The following MFSD11 variants were observed in gnomAD, a reference collection of about 807,000 sequenced individuals.
MFSD11 encodes UNC93-like protein MFSD11.
In MFSD11, 36 loss-of-function variants were observed where a neutral mutation model predicts 53.5. The ratio of observed to expected loss-of-function variants is 0.67; its 90% CI spans 0.52 to 0.89. The LOEUF is 0.89. Ranked by LOEUF, MFSD11 falls within the 40% of genes least tolerant of loss-of-function variation. MFSD11 has a pLI of 0.00. For missense variants in MFSD11, 530 were observed against 543.9 expected (o/e 0.97, Z 0.25); for synonymous variants, 186 against 184.9 (o/e 1.01, Z -0.05).
intron 7 of MFSD11, among the ~76,000 whole-genome samples, chr17:76,746,686 A>G (rs1039576109): frequency 1.9e-4 from 29 of 152,162 alleles, no homozygotes; most frequent in African/African-American, 7.0e-4. Flanking sequence ...GCAGTGACAA[A>G]GCCTGGATGG....
chr17:76,777,573 C>CT (rs113484984), intron 12 of MFSD11, among the ~76,000 whole-genome samples: 5,890 of 151,098 alleles, frequency 0.039, 388 homozygotes, highest in African/African-American at 0.13. Flanking sequence ...TTTGTTTCCT[C>CT]TTTTTTTTTC....
At chr17:76,784,436 G>A (rs905089418), downstream of MFSD11, among the ~76,000 whole-genome samples, 3 of 152,150 alleles carry the variant, frequency 2.0e-5, no homozygotes, top group Non-Finnish European at 4.4e-5. Flanking sequence ...GGGAGGCTGA[G>A]GCAGGAGAAT....
upstream of MFSD11, chr17:76,736,682 G>A (rs976186117): frequency 8.0e-6 from 10 of 1,249,572 alleles, no homozygotes; most frequent in South Asian, 1.5e-4. Context: ...GAGACGCGGC[G>A]TGCACCCCCG....
chr17:76,744,389 T>C lies in MFSD11; in HGVS notation c.564T>C (p.Phe188=). Reference sequence around the variant, plus strand: ...GCCTTGTGGGGACAGTTCTATTCTTTCTCATTCGGAAACCAGATTCTGAAA... The same window carrying C: ...GCCTTGTGGGGACAGTTCTATTCTTCCTCATTCGGAAACCAGATTCTGAAA... ...VISLVGTVLF[F]LIRKPDSENV... is the part of the protein sequence containing the mutation. The change falls in exon 7 of 13, where the codon TTT becomes TTC. Residue 188 remains phenylalanine, a synonymous_variant. Coordinates refer to ENST00000685175, the MANE Select transcript of MFSD11 (RefSeq NM_001242532.5). 1 of 1,614,132 alleles carries C rather than the reference T, an allele frequency of 6.2e-7. No homozygotes were observed. The highest frequency in any genetic ancestry group is 8.5e-7 in the Non-Finnish European group (1 of 1,179,992).
chr17:76,782,965 T>C (rs1158057350), downstream of MFSD11, among the ~76,000 whole-genome samples: 1 of 151,410 alleles, frequency 6.6e-6, no homozygotes, highest in Non-Finnish European at 1.5e-5. Context: ...GATCACAAGG[T>C]CAAGAGTTCG....
intron 3 of MFSD11, among the ~76,000 whole-genome samples, 196 bp from the exon 4 acceptor site, chr17:76,741,773 G>A (rs933223799): frequency 6.6e-6 from 1 of 152,146 alleles, no homozygotes; most frequent in Non-Finnish European, 1.5e-5. Context: ...AGGCAATGGA[G>A]TGAGACCCTG....
rs139955113 is a variant in MFSD11, at chr17:76,762,315, A to G, written c.683-5071A>G. 2.1e-3 allele frequency among the ~76,000 whole-genome samples: 317 copies of G among 152,296 alleles called. 2 individuals carry two copies. Among genetic ancestry groups the G allele is most frequent in the African/African-American group, 7.2e-3 (301 of 41,552 alleles). ...GAGTCATTCCTATATTTTATGTATTATGAGTTTCAGGGGTCTGTCCTGCAG... is the reference window on the plus strand; with the variant it reads ...GAGTCATTCCTATATTTTATGTATTGTGAGTTTCAGGGGTCTGTCCTGCAG... On this transcript the variant is annotated intron_variant, in intron 8 of 12. Coordinates refer to ENST00000685175, the MANE Select transcript of MFSD11 (RefSeq NM_001242532.5).
Position 76,738,123 on chromosome 17 carries a change from T to C in MFSD11, c.-230T>C. On this transcript the variant is annotated 5_prime_UTR_variant, in exon 1 of 13. Coordinates refer to ENST00000685175, the MANE Select transcript of MFSD11 (RefSeq NM_001242532.5). ...CTTGGCGCTTCTCCGGGGGTTGTGCTCTTCCGTACTCGGATCGCTTCTTAG... is the reference window on the plus strand; with the variant it reads ...CTTGGCGCTTCTCCGGGGGTTGTGCCCTTCCGTACTCGGATCGCTTCTTAG... 1.9e-6 allele frequency: 1 copy of C among 531,284 alleles called. No homozygotes were observed. Among genetic ancestry groups the C allele is most frequent in the Non-Finnish European group, 3.3e-6 (1 of 303,158 alleles). The allele number at this position is 531,284 out of a possible 1,614,324, so 32.9% of individuals were successfully genotyped here.
chr17:76,738,057 T>A, upstream of MFSD11: 1 of 430,674 alleles, frequency 2.3e-6, no homozygotes, highest in South Asian at 6.1e-5. Flanking sequence ...CTTGGCCCTT[T>A]AATCCCCTTC....
At chr17:76,742,886 C>T (rs1294661144) in intron 5 of MFSD11, among the ~76,000 whole-genome samples, 1 of 152,100 alleles carries the variant, frequency 6.6e-6, no homozygotes, top group Non-Finnish European at 1.5e-5. Flanking sequence ...GAGGAATCAC[C>T]CTCATGAATC....
downstream of MFSD11, among the ~76,000 whole-genome samples, chr17:76,780,873 A>T (rs1043926415): frequency 6.6e-6 from 1 of 152,192 alleles, no homozygotes; most frequent in Non-Finnish European, 1.5e-5. Context: ...CCATTGGCTT[A>T]GTTGATCCTA....
At chr17:76,736,652 C>G (rs2143937318), upstream of MFSD11, 2 of 1,184,948 alleles carry the variant, frequency 1.7e-6, no homozygotes, top group African/African-American at 3.2e-5. Context: ...CGGAAGCTCG[C>G]GGGGTGGCCG....
the MFSD11 span, among the ~76,000 whole-genome samples, chr17:76,795,837 G>A: frequency 1.1e-5 from 1 of 91,584 alleles, no homozygotes. Context: ...TTTTTTTTTT[G>A]TATTTTTTTA....
At chr17:76,792,081 C>G in the MFSD11 span, among the ~76,000 whole-genome samples, 1 of 148,332 alleles carries the variant, frequency 6.7e-6, no homozygotes, top group Non-Finnish European at 1.5e-5. Flanking sequence ...CTGCTAGAGA[C>G]ATCACTAATA....
At chr17:76,737,101 G>A (rs2077542102), upstream of MFSD11, 3 of 1,611,026 alleles carry the variant, frequency 1.9e-6, no homozygotes, top group Admixed American at 1.7e-5. Flanking sequence ...GGTAGGTCAG[G>A]TTGTCCACCT....
Position 76,738,448 on chromosome 17 carries a change from G to T in MFSD11, c.96G>T (p.Ala32=), listed in dbSNP as rs535485658. 1.2e-6 allele frequency: 2 copies of T among 1,610,728 alleles called. No individual in the cohort carries two copies. The highest frequency in any genetic ancestry group is 2.2e-5 in the South Asian group (2 of 90,966). The change falls in exon 1 of 13, where the codon GCG becomes GCT. Residue 32 remains alanine (A), a splice_region_variant and synonymous_variant. Coordinates refer to ENST00000685175, the MANE Select transcript of MFSD11 (RefSeq NM_001242532.5). ...CCTTTCAAACTTGTGGAAATGTGGCGGTGAGTTGGAATCTGTCCTCCCTCC... is the reference window on the plus strand; with the variant it reads ...CCTTTCAAACTTGTGGAAATGTGGCTGTGAGTTGGAATCTGTCCTCCCTCC... The part of the protein sequence containing the change: ...FTAFQTCGNV[A]QTVIRSLNRT...
At chr17:76,741,169 T>C in intron 3 of MFSD11, 105 bp downstream of exon 3, 2 of 784,114 alleles carry the variant, frequency 2.6e-6, no homozygotes, top group Non-Finnish European at 4.3e-6. Flanking sequence ...GAATAGAATA[T>C]AGGTGGTATT....
intron 8 of MFSD11, among the ~76,000 whole-genome samples, chr17:76,758,559 G>A (rs1284250456): frequency 2.1e-5 from 3 of 144,692 alleles, no homozygotes; most frequent in Non-Finnish European, 4.5e-5. Context: ...CTCCAGCATG[G>A]GCACAGAGCG....
chr17:76,768,629 C>T (rs1367546146), intron 9 of MFSD11, among the ~76,000 whole-genome samples: 1 of 152,080 alleles, frequency 6.6e-6, no homozygotes, highest in Non-Finnish European at 1.5e-5. Flanking sequence ...TTAATTAAAA[C>T]ATTATGGTGC....
Sources: allele counts gnomAD v4.1 joint callset (sites outside exome capture counted in the v4.1 genomes callset), GRCh38; gene constraint gnomAD v4.1.1; transcripts MANE v1.5; gene names NCBI Gene and HGNC (gene_info 2026-07-23, HGNC 2026-07-21).